ARID1B: variants seen among roughly 807,000 people sequenced by gnomAD.
ARID1B encodes the protein AT-rich interaction domain 1B, also known as AT-rich interactive domain-containing protein 1B.
A neutral mutation model predicts 212.3 loss-of-function variants in ARID1B; 30 were observed. The observed-to-expected ratio is 0.14, with a 90% CI of 0.11 to 0.19. The LOEUF is 0.19. Ranked by LOEUF, ARID1B falls within the 10% of genes least tolerant of loss-of-function variation. The pLI, the probability that ARID1B is intolerant of heterozygous loss-of-function variation, is 1.00. For synonymous variants in ARID1B, 1,402 were observed against 1,301.7 expected, an observed-to-expected ratio of 1.08 and a Z score of -1.66; for missense variants, 2,891 against 3,204.0, an observed-to-expected ratio of 0.90 and a Z score of 2.36.
intron 3 of ARID1B, among the ~76,000 whole-genome samples, chr6:156,925,285 G>C (rs1024618951): frequency 6.6e-6 from 1 of 152,190 alleles, no homozygotes; most frequent in African/African-American, 2.4e-5. Context: ...TCCTTTGTCA[G>C]TAAGACTGAG....
At chr6:157,095,935 G>T (rs1785591566) in intron 5 of ARID1B, among the ~76,000 whole-genome samples, 1 of 152,174 alleles carries the variant, frequency 6.6e-6, no homozygotes, top group African/African-American at 2.4e-5. Flanking sequence ...TGGCCTCAGT[G>T]CCTTTTCTTA....
intron 4 of ARID1B, among the ~76,000 whole-genome samples, chr6:156,962,315 A>G (rs1794440252): frequency 6.6e-6 from 1 of 152,222 alleles, no homozygotes; most frequent in South Asian, 2.1e-4. Flanking sequence ...AACTATAGAA[A>G]GGTAAATGAT....
At chr6:157,180,080 T>C (rs1414012648) in intron 11 of ARID1B, among the ~76,000 whole-genome samples, 4 of 152,188 alleles carry the variant, frequency 2.6e-5, no homozygotes, top group Non-Finnish European at 5.9e-5. Context: ...GCAAATATTG[T>C]AAATATTTTT....
chr6:156,907,197 A>C (rs1203966154), intron 3 of ARID1B, among the ~76,000 whole-genome samples: 1 of 152,138 alleles, frequency 6.6e-6, no homozygotes, highest in African/African-American at 2.4e-5. Context: ...CATTTAATAC[A>C]ATGTTTCCCC....
At position 156,964,496 on chromosome 6, in the gene ARID1B, A is replaced by G. The variant is rs566623529; in HGVS notation, c.2247+28920A>G. ...CACAGAAAGGCTAATTTAATATTCTATGTAGGGAAAATCAGGATAGGATTA... is the reference window on the plus strand; with the variant it reads ...CACAGAAAGGCTAATTTAATATTCTGTGTAGGGAAAATCAGGATAGGATTA... On this transcript the variant is annotated intron_variant, in intron 4 of 19. Coordinates refer to ENST00000636930, the MANE Select transcript of ARID1B (RefSeq NM_001374828.1). Among the ~76,000 whole-genome samples the G allele has an allele frequency of 1.8e-4, 28 of 152,294 alleles. No individual in the cohort carries two copies. In the South Asian group the frequency reaches 5.6e-3, roughly 30 times the overall value.
At chr6:157,043,929 T>C (rs1480156682) in intron 4 of ARID1B, among the ~76,000 whole-genome samples, 5 of 152,250 alleles carry the variant, frequency 3.3e-5, no homozygotes, top group African/African-American at 9.6e-5. Context: ...TCTACTTCTT[T>C]CCACTGCTTT....
At chr6:157,128,238 G>T (rs1788274611) in intron 6 of ARID1B, among the ~76,000 whole-genome samples, 1 of 152,146 alleles carries the variant, frequency 6.6e-6, no homozygotes, top group Non-Finnish European at 1.5e-5. Flanking sequence ...ATCCATAATG[G>T]ATTACTTTTT....
chr6:157,085,920 A>G (rs1317642692), intron 5 of ARID1B, among the ~76,000 whole-genome samples: 1 of 152,132 alleles, frequency 6.6e-6, no homozygotes, highest in Admixed American at 6.5e-5. Flanking sequence ...CTCACTTCAA[A>G]TATCCTTTTA....
intron 4 of ARID1B, among the ~76,000 whole-genome samples, chr6:156,956,244 A>G (rs1019142941): frequency 6.6e-6 from 1 of 152,090 alleles, no homozygotes; most frequent in Non-Finnish European, 1.5e-5. Context: ...TTGTGAGTTC[A>G]TGGAGGCTGG....
In ARID1B at chr6:157,200,414, G is replaced by C. The variant is rs1229211768; in HGVS notation, c.4480-291G>C. On this transcript the variant is annotated intron_variant, in intron 17 of 19. Coordinates refer to ENST00000636930, the MANE Select transcript of ARID1B (RefSeq NM_001374828.1). The surrounding 1 kb of genome is among the most constrained non-coding windows in gnomAD (Gnocchi z 4.3). ...GGAGCCGTCTGCCTGTGTGGGAGTT[G>C]AACGCTGGCTGTCCCGGTGGCACAG... Among the ~76,000 whole-genome samples the C allele has an allele frequency of 1.3e-5, 2 of 152,008 alleles. No individual in the cohort carries two copies. The highest frequency in any genetic ancestry group is 1.5e-5 in the Non-Finnish European group (1 of 67,980).
chr6:157,060,089 G>A (rs1208985673), intron 4 of ARID1B, among the ~76,000 whole-genome samples: 2 of 152,106 alleles, frequency 1.3e-5, no homozygotes, highest in African/African-American at 2.4e-5. Context: ...TGAACTTTTG[G>A]AAAAGAATGT....
intron 2 of ARID1B, among the ~76,000 whole-genome samples, chr6:156,835,340 A>G (rs1334593867): frequency 6.6e-6 from 1 of 152,224 alleles, no homozygotes; most frequent in South Asian, 2.1e-4. Flanking sequence ...GGGTTTAAAC[A>G]TATTTGAATT....
rs539199735 is a variant in ARID1B, at chr6:156,809,182, A to G, written c.1792-20045A>G. Among the ~76,000 whole-genome samples, 156 of 152,284 alleles carry G rather than the reference A, an allele frequency of 1.0e-3. 1 individual carries two copies. Among genetic ancestry groups the G allele is most frequent in the Middle Eastern group, 6.8e-3 (2 of 292 alleles). On this transcript the variant is annotated intron_variant, in intron 1 of 19. Coordinates refer to ENST00000636930, the MANE Select transcript of ARID1B (RefSeq NM_001374828.1). Reference sequence around the variant, plus strand: ...GGCTCAGTCTGTTTCAGCTCTGTGCACTGCTGAGCAGTGTCTTACCATGAC... The same window carrying G: ...GGCTCAGTCTGTTTCAGCTCTGTGCGCTGCTGAGCAGTGTCTTACCATGAC...
At chr6:156,923,649 A>G (rs182028016) in intron 3 of ARID1B, among the ~76,000 whole-genome samples, 2 of 151,984 alleles carry the variant, frequency 1.3e-5, no homozygotes, top group African/African-American at 4.8e-5. Context: ...TGCTGTTACT[A>G]CCAACACTGT....
intron 2 of ARID1B, among the ~76,000 whole-genome samples, chr6:156,882,219 G>A (rs1434209502): frequency 1.3e-5 from 2 of 152,112 alleles, no homozygotes; most frequent in Non-Finnish European, 2.9e-5. Flanking sequence ...CTTGGTCCCG[G>A]TGGAGCAGCA....
At chr6:157,074,381 C>T (rs1784184668) in intron 4 of ARID1B, among the ~76,000 whole-genome samples, 1 of 152,068 alleles carries the variant, frequency 6.6e-6, no homozygotes, top group Non-Finnish European at 1.5e-5. Flanking sequence ...TGTGCCTCAC[C>T]ACACGGGGCT....
intron 1 of ARID1B, among the ~76,000 whole-genome samples, chr6:156,822,922 G>C (rs1782459994): frequency 1.3e-5 from 2 of 152,212 alleles, no homozygotes; most frequent in African/African-American, 4.8e-5. Context: ...GAGAGCCAGA[G>C]TACTGTTTGT....
At position 156,782,896 on chromosome 6, in the gene ARID1B, G is replaced by A. The variant is rs138773750; in HGVS notation, c.1791+3425G>A. Among the ~76,000 whole-genome samples, 111 of 151,724 alleles carry A rather than the reference G, an allele frequency of 7.3e-4. 1 individual carries two copies. The East Asian group carries it at 0.02, about 27-fold the overall frequency. On this transcript the variant is annotated intron_variant, in intron 1 of 19. Transcript: ENST00000636930. ...CAGTTTTGTTTTCTGAATCATCTGGGATGAAATTATGCATGGCTTAAAATC... is the reference window on the plus strand; with the variant it reads ...CAGTTTTGTTTTCTGAATCATCTGGAATGAAATTATGCATGGCTTAAAATC...
intron 3 of ARID1B, among the ~76,000 whole-genome samples, chr6:156,934,425 T>A (rs113216892): frequency 0.018 from 2,738 of 152,102 alleles, 82 homozygotes; most frequent in African/African-American, 0.062. Context: ...CTTGGAAGAG[T>A]GTTTGACAAG....
Sources: gnomAD v4.1 joint callset for allele counts (sites outside exome capture counted in the v4.1 genomes callset) on GRCh38, gnomAD v4.1.1 for gene constraint, Gnocchi (gnomAD v3.1) non-coding constraint, MANE v1.5 for transcripts, NCBI Gene and HGNC (gene_info 2026-07-23, HGNC 2026-07-21) for gene names.